The following RPS6KC1 variants were observed in gnomAD, a reference collection of about 807,000 sequenced individuals.
RPS6KC1 encodes the protein ribosomal protein S6 kinase C1.
In RPS6KC1, 54 loss-of-function variants were observed where a neutral mutation model predicts 103.8. The observed-to-expected ratio is 0.52, with a 90% confidence interval of 0.42 to 0.65. The LOEUF (loss-of-function observed/expected upper bound fraction) is 0.65. Ranked by LOEUF, RPS6KC1 falls within the 30% of genes least tolerant of loss-of-function variation. RPS6KC1 has a pLI of 0.00. For synonymous variants in RPS6KC1, 439 were observed against 438.7 expected, an observed-to-expected ratio of 1.00 and a Z score of -0.01; for missense variants, 1,151 against 1,253.8, an observed-to-expected ratio of 0.92 and a Z score of 1.24.
downstream of RPS6KC1, among the ~76,000 whole-genome samples, chr1:213,275,641 A>T (rs1192127250): frequency 6.6e-6 from 1 of 152,162 alleles, no homozygotes; most frequent in Middle Eastern, 3.2e-3. Flanking sequence ...CGATATTTCT[A>T]TACATGTATA....
the RPS6KC1 span, among the ~76,000 whole-genome samples, chr1:213,745,551 G>A: frequency 1.3e-5 from 2 of 152,120 alleles, no homozygotes; most frequent in Admixed American, 6.5e-5. Context: ...CACCGGCATT[G>A]ATCTCAGCAT....
chr1:213,133,082 C>T (rs1481843170), intron 6 of RPS6KC1, among the ~76,000 whole-genome samples: 1 of 152,188 alleles, frequency 6.6e-6, no homozygotes, highest in Non-Finnish European at 1.5e-5. Flanking sequence ...CCTGACACTT[C>T]ACTTACTCCC....
chr1:213,641,284 A>T, the RPS6KC1 span, among the ~76,000 whole-genome samples: 1 of 151,742 alleles, frequency 6.6e-6, no homozygotes, highest in Non-Finnish European at 1.5e-5. Flanking sequence ...TTTCTATATG[A>T]GTTAAAAATT....
At chr1:213,340,734 T>A in the RPS6KC1 span, among the ~76,000 whole-genome samples, 49 of 152,378 alleles carry the variant, frequency 3.2e-4, no homozygotes, top group Admixed American at 3.1e-3. Context: ...TGCAAATGGT[T>A]GGGAACAATG....
At chr1:213,087,882 C>G (rs987956674) in intron 3 of RPS6KC1, among the ~76,000 whole-genome samples, 2 of 152,224 alleles carry the variant, frequency 1.3e-5, no homozygotes, top group African/African-American at 2.4e-5. Context: ...TGTTCCCCCT[C>G]CCTGCCAACA....
At chr1:213,603,897 A>G in the RPS6KC1 span, among the ~76,000 whole-genome samples, 1 of 152,056 alleles carries the variant, frequency 6.6e-6, no homozygotes, top group Admixed American at 6.6e-5. Context: ...AAAAGAAAAA[A>G]AAATTTTTTC....
the RPS6KC1 span, among the ~76,000 whole-genome samples, chr1:213,479,655 C>T: frequency 6.6e-6 from 1 of 151,934 alleles, no homozygotes; most frequent in African/African-American, 2.4e-5. Context: ...ACTGAAACAT[C>T]AGTACAGCAT....
At chr1:213,732,239 A>C in the RPS6KC1 span, among the ~76,000 whole-genome samples, 3 of 152,166 alleles carry the variant, frequency 2.0e-5, no homozygotes, top group African/African-American at 7.2e-5. Context: ...AGAGGACAAC[A>C]TTTTCCCCAT....
intron 14 of RPS6KC1, among the ~76,000 whole-genome samples, chr1:213,268,795 A>T (rs2094972055): frequency 1.3e-5 from 2 of 151,782 alleles, no homozygotes; most frequent in South Asian, 4.1e-4. Flanking sequence ...AAGATAAGTG[A>T]TATATTAAGT....
the RPS6KC1 span, among the ~76,000 whole-genome samples, chr1:213,633,862 G>A: frequency 1.4e-5 from 1 of 73,582 alleles, no homozygotes; most frequent in Non-Finnish European, 2.4e-5. Flanking sequence ...GATCTGCCAA[G>A]CAAATGGAAA....
At chr1:213,212,828 T>C (rs903030165) in intron 8 of RPS6KC1, among the ~76,000 whole-genome samples, 1 of 152,224 alleles carries the variant, frequency 6.6e-6, no homozygotes, top group Non-Finnish European at 1.5e-5. Context: ...CCTGATGACA[T>C]GCAATGTTGA....
chr1:213,705,986 C>T, the RPS6KC1 span, among the ~76,000 whole-genome samples: 33 of 152,180 alleles, frequency 2.2e-4, no homozygotes, highest in Non-Finnish European at 7.4e-5. Context: ...CTTGCTCTTC[C>T]CTCTCCTCTC....
the RPS6KC1 span, among the ~76,000 whole-genome samples, chr1:213,385,198 G>A: frequency 2.0e-5 from 3 of 152,232 alleles, no homozygotes; most frequent in African/African-American, 4.8e-5. Context: ...TGGTGTCCGG[G>A]CCCTTTAGGG....
intron 13 of RPS6KC1, 112 bp from the exon 14 acceptor site, chr1:213,262,609 C>A: frequency 2.7e-6 from 2 of 746,828 alleles, no homozygotes; most frequent in Non-Finnish European, 4.8e-6. Context: ...GATTACTACA[C>A]TTCCAGTTAA....
chr1:213,703,833 A>G, the RPS6KC1 span, among the ~76,000 whole-genome samples: 16 of 152,252 alleles, frequency 1.1e-4, no homozygotes, highest in Non-Finnish European at 2.1e-4. Flanking sequence ...CTTGGTGTTC[A>G]TAACCTTCTT....
At chr1:213,310,084 C>T in the RPS6KC1 span, among the ~76,000 whole-genome samples, 24 of 152,306 alleles carry the variant, frequency 1.6e-4, no homozygotes, top group African/African-American at 5.5e-4. Context: ...CTTTCCTTGA[C>T]TATCCCCCAA....
the RPS6KC1 span, among the ~76,000 whole-genome samples, chr1:213,414,757 C>T: frequency 6.8e-6 from 1 of 146,314 alleles, no homozygotes; most frequent in East Asian, 2.0e-4. Context: ...GAAAGATCTT[C>T]TAAGACCAGC....
At chr1:213,435,578 T>C in the RPS6KC1 span, among the ~76,000 whole-genome samples, 1 of 152,226 alleles carries the variant, frequency 6.6e-6, no homozygotes, top group African/African-American at 2.4e-5. Context: ...GTGTTTAGTT[T>C]ATGTTTGCTC....
chr1:213,164,426 C>T (rs991635657), intron 6 of RPS6KC1, among the ~76,000 whole-genome samples: 1 of 152,224 alleles, frequency 6.6e-6, no homozygotes, highest in African/African-American at 2.4e-5. Flanking sequence ...ACACTATAAT[C>T]ACCCTGTATG....
Sources: allele counts gnomAD v4.1 joint callset (sites outside exome capture counted in the v4.1 genomes callset), GRCh38; gene constraint gnomAD v4.1.1; transcripts MANE v1.5; gene names NCBI Gene and HGNC (gene_info 2026-07-23, HGNC 2026-07-21).